The following ITGA11 variants were observed in gnomAD, a reference collection of about 807,000 sequenced individuals.
The protein encoded by ITGA11 is integrin alpha-11.
ITGA11 carries 97 observed loss-of-function variants against 141.9 expected under a neutral mutation model. The observed-to-expected ratio is 0.68, with a 90% CI of 0.58 to 0.81. The LOEUF is 0.81. Ranked by LOEUF, ITGA11 falls within the 30% of genes least tolerant of loss-of-function variation. The pLI, the probability that ITGA11 is intolerant of heterozygous loss-of-function variation, is 0.00. For synonymous variants in ITGA11, 658 were observed against 624.6 expected (o/e 1.05, Z -0.80); for missense variants, 1,387 against 1,559.2 (o/e 0.89, Z 1.86).
chr15:68,303,664 A>T lies in ITGA11; in HGVS notation c.3495+108T>A. On this transcript the variant is annotated intron_variant, in intron 29 of 29. Transcript: ENST00000315757. This position sits in a 1 kb window ranked among gnomAD's most constrained non-coding sequence, Gnocchi z 5.3. Reference sequence around the variant, plus strand: ...CTGCTATGGCGAGGGGTGGGGTGCCAGCTCCCCTGGAGAGGAGAACGTGGC... The same window carrying T: ...CTGCTATGGCGAGGGGTGGGGTGCCTGCTCCCCTGGAGAGGAGAACGTGGC... The T allele has an allele frequency of 1.4e-6, 1 of 700,772 alleles. No individual in the cohort carries two copies. The highest frequency in any genetic ancestry group is 2.4e-6 in the Non-Finnish European group (1 of 409,434). The allele number at this position is 700,772 out of a possible 1,614,324, so 43.4% of individuals were successfully genotyped here.
chr15:68,312,181 G>A (rs1346224864), intron 24 of ITGA11, among the ~76,000 whole-genome samples: 1 of 152,230 alleles, frequency 6.6e-6, no homozygotes, highest in Non-Finnish European at 1.5e-5. Context: ...CTTAGTGGCA[G>A]AACCGAGACA....
chr15:68,375,401 C>G (rs778499978), intron 2 of ITGA11, among the ~76,000 whole-genome samples: 4 of 152,244 alleles, frequency 2.6e-5, no homozygotes, highest in Non-Finnish European at 4.4e-5. Flanking sequence ...TCTCCTCCAG[C>G]CCCTGTGAGT....
chr15:68,405,798 G>A (rs1896639051), intron 1 of ITGA11, among the ~76,000 whole-genome samples: 1 of 152,070 alleles, frequency 6.6e-6, no homozygotes, highest in Non-Finnish European at 1.5e-5. Flanking sequence ...GGTTACTGAA[G>A]GAGTGTTGCA....
chr15:68,361,869 T>G, intron 4 of ITGA11, 165 bp from the exon 5 acceptor site: 3 of 592,082 alleles, frequency 5.1e-6, no homozygotes, highest in Non-Finnish European at 9.0e-6. Flanking sequence ...TCTCTCTTGC[T>G]GCAATGTGTA....
chr15:68,341,284 G>A (rs191843937), intron 10 of ITGA11, among the ~76,000 whole-genome samples: 250 of 152,334 alleles, frequency 1.6e-3, no homozygotes, highest in African/African-American at 5.7e-3. Context: ...GCCACGACAG[G>A]AGCCAGGAAC....
chr15:68,404,754 T>C (rs11857615), intron 1 of ITGA11, among the ~76,000 whole-genome samples: 93,404 of 152,060 alleles, frequency 0.61, 29,575 homozygotes, highest in South Asian at 0.69. Flanking sequence ...TTGATACCCA[T>C]CCACACTTGG....
Position 68,297,431 on chromosome 15 carries a change from GCT to G in ITGA11, c.*5626_*5627del. On this transcript the variant is annotated 3_prime_UTR_variant, in exon 30 of 30. Coordinates refer to ENST00000315757, the MANE Select transcript of ITGA11 (RefSeq NM_001004439.2). ...CATCTGTACAGTTCTGCACTTCTGA[GCT>G]TTTTTTTTTTTTTTTTTTTTATCCA... is the stretch of plus-strand genomic sequence containing the variant. 9.3e-6 allele frequency: 1 copy of G among 107,884 alleles called. No individual in the cohort carries two copies. Among genetic ancestry groups the G allele is most frequent in the South Asian group, 3.8e-4 (1 of 2,612 alleles). The allele number at this position is 107,884 out of a possible 1,614,324, so 6.7% of individuals were successfully genotyped here.
At chr15:68,367,969 T>A (rs918943688) in intron 3 of ITGA11, among the ~76,000 whole-genome samples, 5 of 152,204 alleles carry the variant, frequency 3.3e-5, no homozygotes, top group Non-Finnish European at 7.3e-5. Context: ...GACGATTTCC[T>A]CACTGAAGTT....
At chr15:68,382,873 C>T (rs990565725) in intron 2 of ITGA11, among the ~76,000 whole-genome samples, 2 of 152,194 alleles carry the variant, frequency 1.3e-5, no homozygotes, top group Non-Finnish European at 2.9e-5. Flanking sequence ...GTCAAGATGG[C>T]CTCAGGTTGA....
Position 68,432,119 on chromosome 15 carries a change from A to G in ITGA11, c.-53T>C. ...TGTGCAGCGGCGGCGGGGGGCGGCA[A>G]GCCAGAGCGGCAGCCTCCTCGGCGC... On this transcript the variant is annotated 5_prime_UTR_variant, in exon 1 of 30. Transcript: ENST00000315757. 7.6e-7 allele frequency: 1 copy of G among 1,310,706 alleles called. No homozygotes were observed. The highest frequency in any genetic ancestry group is 9.8e-7 in the Non-Finnish European group (1 of 1,022,092). 81.2% of individuals were successfully genotyped at this position (1,310,706 alleles called of 1,614,324 possible). A position where few individuals can be genotyped will look rare whatever the true frequency, so the allele number is the denominator to read the frequency against.
chr15:68,369,898 T>A (rs544747095), intron 2 of ITGA11, among the ~76,000 whole-genome samples: 2 of 152,244 alleles, frequency 1.3e-5, no homozygotes, highest in African/African-American at 4.8e-5. Context: ...TAAGTTAAGG[T>A]TCTTGGGTTG....
At chr15:68,345,441 T>G (rs919454150) in intron 10 of ITGA11, among the ~76,000 whole-genome samples, 1 of 152,188 alleles carries the variant, frequency 6.6e-6, no homozygotes, top group African/African-American at 2.4e-5. Context: ...TGTCTTGGGG[T>G]CTCCCCTGTA....
At chr15:68,320,133 C>T (rs1217654944) in intron 20 of ITGA11, 52 bp downstream of exon 20, 3 of 1,551,194 alleles carry the variant, frequency 1.9e-6, no homozygotes, top group East Asian at 2.3e-5. Context: ...CCTGGCCTTC[C>T]TTTTCCTCTG....
intron 7 of ITGA11, among the ~76,000 whole-genome samples, chr15:68,354,540 G>C (rs1280741327): frequency 2.6e-5 from 4 of 152,182 alleles, no homozygotes; most frequent in African/African-American, 4.8e-5. Flanking sequence ...TGGTCAAAAG[G>C]AGCACATCTC....
intron 2 of ITGA11, among the ~76,000 whole-genome samples, chr15:68,397,745 A>G (rs191644544): frequency 0.033 from 3,838 of 115,320 alleles, 236 homozygotes; most frequent in African/African-American, 0.086. Context: ...TATTATATTT[A>G]AAATATTATA....
At chr15:68,350,089 T>C (rs1355040524) in intron 9 of ITGA11, among the ~76,000 whole-genome samples, 1 of 152,244 alleles carries the variant, frequency 6.6e-6, no homozygotes, top group African/African-American at 2.4e-5. Context: ...TTCCCAGCGA[T>C]AAAAATGAGA....
At chr15:68,317,421 C>T (rs1211748631) in intron 20 of ITGA11, 58 bp from the exon 21 acceptor site, 11 of 1,208,152 alleles carry the variant, frequency 9.1e-6, no homozygotes, top group African/African-American at 4.5e-5. Context: ...GACCAGGTCT[C>T]GAGGCTCCCT....
intron 5 of ITGA11, among the ~76,000 whole-genome samples, chr15:68,359,689 T>A (rs1895183417): frequency 6.6e-6 from 1 of 151,712 alleles, no homozygotes; most frequent in South Asian, 2.1e-4. Flanking sequence ...AAAAACTAAA[T>A]TAAAAGGAAT....
At position 68,324,862 on chromosome 15, in the gene ITGA11, T is replaced by C. The variant is rs567716164; in HGVS notation, c.2322+269A>G. ...CTTTGTATTTCTCCGGTGCTCACCC[T>C]GTGCTCCCCTGTGCTGGGGATACGG... is the stretch of plus-strand genomic sequence containing the variant. On this transcript the variant is annotated intron_variant, in intron 18 of 29. Coordinates refer to ENST00000315757, the MANE Select transcript of ITGA11 (RefSeq NM_001004439.2). The surrounding 1 kb of genome is among the most constrained non-coding windows in gnomAD (Gnocchi z 6.3). Among the ~76,000 whole-genome samples, 1 of 152,296 alleles carries C rather than the reference T, an allele frequency of 6.6e-6. No individual in the cohort carries two copies. Among genetic ancestry groups the C allele is most frequent in the South Asian group, 2.1e-4 (1 of 4,824 alleles).
Sources: allele counts gnomAD v4.1 joint callset (sites outside exome capture counted in the v4.1 genomes callset), GRCh38; gene constraint gnomAD v4.1.1; non-coding constraint Gnocchi (gnomAD v3.1); transcripts MANE v1.5; gene names NCBI Gene and HGNC (gene_info 2026-07-23, HGNC 2026-07-21).